Variants in MTRR observed in about 807,000 individuals in gnomAD.
MTRR encodes the protein methionine synthase reductase.
In MTRR, 63 loss-of-function variants were observed where a neutral mutation model predicts 79.2. The observed-to-expected ratio is 0.80, with a 90% CI of 0.65 to 0.98. The LOEUF is 0.98. Ranked by LOEUF, MTRR falls within the 50% of genes least tolerant of loss-of-function variation. The pLI is 0.00. For missense variants in MTRR, 895 were observed against 839.6 expected (o/e 1.07, Z -0.82); for synonymous variants, 355 against 313.3 (o/e 1.13, Z -1.41).
chr5:7,895,981 C>T, intron 12 of MTRR, 129 bp downstream of exon 12: 1 of 1,180,556 alleles, frequency 8.5e-7, no homozygotes, highest in South Asian at 1.4e-5. Flanking sequence ...TGTGCGATAA[C>T]ATAATTTGTC....
chr5:7,869,365 G>T, intron 1 of MTRR, 150 bp downstream of exon 1: 1 of 816,264 alleles, frequency 1.2e-6, no homozygotes. Context: ...GCGGGCGCGG[G>T]CTGGGGCTCG....
chr5:7,868,285 G>A (rs544183339), upstream of MTRR: 1 of 510,670 alleles, frequency 2.0e-6, no homozygotes, highest in East Asian at 3.1e-5. Context: ...TAGAAGAGTG[G>A]CTGACATTGA....
chr5:7,893,093 T>C (rs560167072), intron 11 of MTRR, 180 bp downstream of exon 11: 17 of 676,076 alleles, frequency 2.5e-5, no homozygotes, highest in East Asian at 1.9e-4. Flanking sequence ...ACTCTTTAAC[T>C]AGTGTGTGTA....
chr5:7,856,314 G>T (rs1489737587), intron 1 of MTRR, among the ~76,000 whole-genome samples: 1 of 152,070 alleles, frequency 6.6e-6, no homozygotes, highest in Non-Finnish European at 1.5e-5. Context: ...AACAACAAAG[G>T]CTTTAGAGAA....
At position 7,891,765 on chromosome 5, in the gene MTRR, G is replaced by A. The variant is rs148329583; in HGVS notation, c.1370+351G>A. Among the ~76,000 whole-genome samples, 5 of 152,260 alleles carry A rather than the reference G, an allele frequency of 3.3e-5. No homozygotes were observed. The East Asian group carries it at 9.7e-4, about 29-fold the overall frequency. On this transcript the variant is annotated intron_variant, in intron 10 of 14. Transcript: ENST00000440940. ...CCACTATAAAACATTTGATGAGTCC[G>A]GGCGTGGTGACTCACTCCTGTAATC...
intron 12 of MTRR, 62 bp downstream of exon 12, chr5:7,895,914 G>A (rs1006814136): frequency 3.0e-5 from 48 of 1,601,572 alleles, no homozygotes; most frequent in Non-Finnish European, 4.1e-5. Context: ...TGTTTCTTTA[G>A]TCATTTTGAG....
Position 7,892,746 on chromosome 5 carries a change from G to C in MTRR, c.1390G>C (p.Gly464Arg). 1 of 1,614,180 alleles carries C rather than the reference G, an allele frequency of 6.2e-7. No individual in the cohort carries two copies. Among genetic ancestry groups the C allele is most frequent in the Non-Finnish European group, 8.5e-7 (1 of 1,180,036 alleles). Reference sequence around the variant, plus strand: ...TTGCAGCTCAAGTTTATTTCACCCAGGAAAGCTCCATTTTGTCTTCAACAT... The same window carrying C: ...TTGCAGCTCAAGTTTATTTCACCCACGAAAGCTCCATTTTGTCTTCAACAT... ...SCASSSLFHP[G>R]KLHFVFNIVE... The change falls in exon 11 of 15, where the codon GGA becomes CGA. Residue 464 changes from glycine (G) to arginine (R), a missense_variant. Transcript: ENST00000440940.
intron 4 of MTRR, among the ~76,000 whole-genome samples, chr5:7,875,889 T>A (rs1297528300): frequency 1.3e-5 from 2 of 152,238 alleles, no homozygotes; most frequent in Non-Finnish European, 2.9e-5. Flanking sequence ...AGACGCATAC[T>A]TTATCTTTTC....
chr5:7,891,393 C>G lies in MTRR; in HGVS notation c.1349C>G (p.Pro450Arg), dbSNP rs16879334. ...CTAGAACATCTTCCTAAACTTCAACCCAGACCATATTCGTGTGCAAGGTAC... is the reference window on the plus strand; with the variant it reads ...CTAGAACATCTTCCTAAACTTCAACGCAGACCATATTCGTGTGCAAGGTAC... ...LLLEHLPKLQ[P>R]RPYSCASSSL... is the part of the protein sequence containing the mutation. Residue 450 changes from proline to arginine, a missense_variant, in exon 10 of 15, where the codon CCC becomes CGC. Physicochemically the swap from Pro to Arg is moderately radical, Grantham distance 103 (BLOSUM62 -2). Coordinates refer to ENST00000440940, the MANE Select transcript of MTRR (RefSeq NM_002454.3). The G allele has an allele frequency of 0.038, 60,299 of 1,605,388 alleles. 2,101 individuals carry two copies. The highest frequency in any genetic ancestry group is 0.17 in the East Asian group (7,708 of 44,510).
In MTRR at chr5:7,870,918, G is replaced by T; in HGVS notation, c.124G>T (p.Asp42Tyr). 6.2e-7 allele frequency: 1 copy of T among 1,614,150 alleles called. No homozygotes were observed. Among genetic ancestry groups the T allele is most frequent in the Non-Finnish European group, 8.5e-7 (1 of 1,179,998 alleles). ...AGATCTTCACTGTATTAGTGAATCC[G>T]ATAAGGTTAGAGCCGTTACAGTGGA... ...SADLHCISES[D>Y]KYDLKTETAP... The change falls in exon 2 of 15, where the codon GAT (aspartate) becomes TAT (tyrosine). Residue 42 changes from aspartate (D) to tyrosine (Y), a missense_variant. By Grantham distance (160) the Asp-to-Tyr change is radical. Transcript: ENST00000440940.
At chr5:7,868,921 G>A (rs954913676), upstream of MTRR, 2 of 635,194 alleles carry the variant, frequency 3.1e-6, no homozygotes, top group African/African-American at 1.8e-5. Flanking sequence ...GAGAAAGCCG[G>A]CCAGGTCTTT....
chr5:7,894,694 A>G (rs942299342), intron 11 of MTRR, among the ~76,000 whole-genome samples: 1 of 152,182 alleles, frequency 6.6e-6, no homozygotes, highest in African/African-American at 2.4e-5. Context: ...TCATTTCCTT[A>G]TCCTGTGTAA....
At chr5:7,865,315 G>C (rs1205895863), upstream of MTRR, among the ~76,000 whole-genome samples, 1 of 152,020 alleles carries the variant, frequency 6.6e-6, no homozygotes, top group Non-Finnish European at 1.5e-5. Context: ...TCAAAAATCA[G>C]ATACTCTAAA....
intron 1 of MTRR, chr5:7,870,502 G>A: frequency 2.4e-6 from 1 of 422,240 alleles, no homozygotes; most frequent in Non-Finnish European, 4.4e-6. Context: ...GTTGCACTTA[G>A]GAAACACAGA....
chr5:7,869,603 G>A (rs1747520151), intron 1 of MTRR: 4 of 246,770 alleles, frequency 1.6e-5, no homozygotes, highest in African/African-American at 4.7e-5. Flanking sequence ...CGTTCCGAGC[G>A]CCCACCCGGC....
intron 1 of MTRR, among the ~76,000 whole-genome samples, chr5:7,854,473 GA>G (rs1365022890): frequency 2.6e-5 from 4 of 152,194 alleles, no homozygotes; most frequent in Admixed American, 2.6e-4. Context: ...AGACTGGGAT[GA>G]AAAGAGGTTT....
chr5:7,869,208 C>T lies in MTRR; in HGVS notation c.-33C>T. The T allele has an allele frequency of 1.2e-6, 2 of 1,607,718 alleles. No individual in the cohort carries two copies. The highest frequency in any genetic ancestry group is 1.3e-5 in the African/African-American group (1 of 75,048). ...TGTGCAGGTTCGTGCCCGGCTGGCGCGGCGTGGGTAAGCTGCCTGTCGGCT... is the reference window on the plus strand; with the variant it reads ...TGTGCAGGTTCGTGCCCGGCTGGCGTGGCGTGGGTAAGCTGCCTGTCGGCT... On this transcript the variant is annotated 5_prime_UTR_variant, in exon 1 of 15. Coordinates refer to ENST00000440940, the MANE Select transcript of MTRR (RefSeq NM_002454.3).
At chr5:7,892,645 A>G (rs1561265362) in intron 10 of MTRR, 82 bp from the exon 11 acceptor site, 8 of 1,397,128 alleles carry the variant, frequency 5.7e-6, no homozygotes, top group Non-Finnish European at 6.1e-6. Context: ...AAATATTTCT[A>G]AACTGAATAA....
At position 7,893,140 on chromosome 5, in the gene MTRR, C is replaced by T. The variant is rs2277958; in HGVS notation, c.1557+227C>T. The T allele has an allele frequency of 0.14, 77,513 of 573,800 alleles. 7,165 individuals carry two copies. The highest frequency in any genetic ancestry group is 0.32 in the African/African-American group (16,780 of 53,130). The allele number at this position is 573,800 out of a possible 1,614,324, so 35.5% of individuals were successfully genotyped here. On this transcript the variant is annotated intron_variant, in intron 11 of 14. Transcript: ENST00000440940. ...TATAAAGCATGAATTTTATATAGTACGGTCTTTGCTTGTCCTATTCATGGA... is the reference window on the plus strand; with the variant it reads ...TATAAAGCATGAATTTTATATAGTATGGTCTTTGCTTGTCCTATTCATGGA...
Sources: allele counts gnomAD v4.1 joint callset (sites outside exome capture counted in the v4.1 genomes callset), GRCh38; gene constraint gnomAD v4.1.1; transcripts MANE v1.5; gene names NCBI Gene and HGNC (gene_info 2026-07-23, HGNC 2026-07-21).